The following FRMD8 variants were observed in gnomAD, a reference collection of about 807,000 sequenced individuals.
The protein encoded by FRMD8 is FERM domain containing 8.
A neutral mutation model predicts 54.2 loss-of-function variants in FRMD8; 37 were observed. The ratio of observed to expected loss-of-function variants is 0.68; its 90% confidence interval spans 0.53 to 0.90. The LOEUF is 0.90. Ranked by LOEUF, FRMD8 falls within the 40% of genes least tolerant of loss-of-function variation. The pLI is 0.00. For synonymous variants in FRMD8, 246 were observed against 286.9 expected (o/e 0.86, Z 1.44); for missense variants, 585 against 653.7 (o/e 0.89, Z 1.15).
At chr11:65,399,468 A>G (rs1382836974) in intron 7 of FRMD8, among the ~76,000 whole-genome samples, 7 of 152,076 alleles carry the variant, frequency 4.6e-5, no homozygotes, top group Non-Finnish European at 1.0e-4. Context: ...GCTTTGCTCC[A>G]CACCTGGGGC....
At chr11:65,379,654 G>C in the FRMD8 span, 1 of 1,384,606 alleles carries the variant, frequency 7.2e-7, no homozygotes, top group African/African-American at 1.4e-5. Context: ...GCTGGAAACT[G>C]CTCCCAAGTC....
chr11:65,389,253 T>G, intron 2 of FRMD8, 108 bp from the exon 3 acceptor site: 10 of 1,033,930 alleles, frequency 9.7e-6, no homozygotes, highest in Middle Eastern at 2.9e-4. Flanking sequence ...CCCTGAGGGG[T>G]GTAGGGTGGG....
rs1189486409 is a variant in FRMD8 at position 65,412,280 on chromosome 11, G to C, written c.*920G>C. ...TCCCCTCCCTGTGTCTGGGTCTTCA[G>C]GTTTTAGTTTGGTCTTTGTTCATCT... On this transcript the variant is annotated 3_prime_UTR_variant, in exon 11 of 11. Coordinates refer to ENST00000317568, the MANE Select transcript of FRMD8 (RefSeq NM_031904.5). The C allele has an allele frequency of 6.6e-6, 1 of 152,330 alleles. No individual in the cohort carries two copies. Among genetic ancestry groups the C allele is most frequent in the Admixed American group, 6.5e-5 (1 of 15,288 alleles). 9.4% of individuals were successfully genotyped at this position (152,330 alleles called of 1,614,324 possible).
chr11:65,392,179 G>C (rs1187426233), intron 3 of FRMD8, among the ~76,000 whole-genome samples: 1 of 152,238 alleles, frequency 6.6e-6, no homozygotes, highest in Non-Finnish European at 1.5e-5. Flanking sequence ...ATCTGGACCA[G>C]AAATGTTGGG....
At chr11:65,379,490 C>A in the FRMD8 span, 1 of 1,613,962 alleles carries the variant, frequency 6.2e-7, no homozygotes, top group African/African-American at 1.3e-5. Flanking sequence ...TGCTATAGAC[C>A]CCAAACAGGA....
At chr11:65,372,862 C>T in the FRMD8 span, among the ~76,000 whole-genome samples, 4 of 152,204 alleles carry the variant, frequency 2.6e-5, no homozygotes, top group Non-Finnish European at 4.4e-5. Context: ...CAGTGGTGTT[C>T]TGACACCTGC....
chr11:65,379,925 G>A, the FRMD8 span: 3 of 1,614,106 alleles, frequency 1.9e-6, no homozygotes, highest in African/African-American at 4.0e-5. Flanking sequence ...GGTGGTCTGG[G>A]TCTGCAGCCT....
Position 65,386,639 on chromosome 11 carries a change from C to T in FRMD8, c.-123C>T, listed in dbSNP as rs535866693. 8.9e-5 allele frequency: 18 copies of T among 202,800 alleles called. No individual in the cohort carries two copies. In the Admixed American group the frequency reaches 9.1e-4, roughly 10 times the overall value. 12.6% of individuals were successfully genotyped at this position (202,800 alleles called of 1,614,324 possible). A position where few individuals can be genotyped will look rare whatever the true frequency, so the allele number is the denominator to read the frequency against. On this transcript the variant is annotated 5_prime_UTR_variant, in exon 1 of 11. Transcript: ENST00000317568. ...CTTCCTCCCGCCGTGGCTTCCGCGT[C>T]GCTTCCCGGTCAGCTGCGTCCTTAG...
At chr11:65,378,038 C>G in the FRMD8 span, 1 of 152,086 alleles carries the variant, frequency 6.6e-6, no homozygotes, top group Non-Finnish European at 1.5e-5. Flanking sequence ...TTACTTTGGT[C>G]CCAGGAGTAA....
rs1316859911 is a variant in FRMD8 at position 65,413,426 on chromosome 11, T to C, written c.*2066T>C. The C allele has an allele frequency of 6.6e-6, 1 of 152,240 alleles. No homozygotes were observed. Among genetic ancestry groups the C allele is most frequent in the Non-Finnish European group, 1.5e-5 (1 of 68,046 alleles). 9.4% of individuals were successfully genotyped at this position (152,240 alleles called of 1,614,324 possible). A position where few individuals can be genotyped will look rare whatever the true frequency, so the allele number is the denominator to read the frequency against. On this transcript the variant is annotated 3_prime_UTR_variant, in exon 11 of 11. Transcript: ENST00000317568. ...TCTGAGCATCCATTGTGCCTTAACA[T>C]TTTCTGCTTGTCCTTTGGGACAAAG...
intron 6 of FRMD8, among the ~76,000 whole-genome samples, chr11:65,395,356 G>A (rs558826863): frequency 2.2e-3 from 342 of 152,120 alleles, no homozygotes; most frequent in African/African-American, 7.8e-3. Flanking sequence ...CAGCCTCAAC[G>A]TGGAGAAACC....
the FRMD8 span, chr11:65,376,994 G>A: frequency 3.1e-6 from 5 of 1,613,498 alleles, no homozygotes; most frequent in East Asian, 2.2e-5. Context: ...GTACCGGGGT[G>A]GGGGGCTCCC....
At chr11:65,368,609 G>C in the FRMD8 span, among the ~76,000 whole-genome samples, 1 of 152,098 alleles carries the variant, frequency 6.6e-6, no homozygotes, top group African/African-American at 2.4e-5. Context: ...TGTCGCCCAG[G>C]CTGGAGTGCA....
intron 3 of FRMD8, among the ~76,000 whole-genome samples, chr11:65,391,181 G>A (rs568226220): frequency 1.3e-5 from 2 of 152,384 alleles, no homozygotes; most frequent in Admixed American, 6.5e-5. Context: ...GTCACTCTGC[G>A]TGGAACAGGG....
the FRMD8 span, among the ~76,000 whole-genome samples, chr11:65,374,984 G>A: frequency 6.7e-6 from 1 of 150,358 alleles, no homozygotes; most frequent in Non-Finnish European, 1.5e-5. Context: ...AGAAAAAATA[G>A]AGAAAAAGAA....
At chr11:65,401,010 G>A (rs1033881561) in intron 9 of FRMD8, 143 bp downstream of exon 9, 1 of 919,704 alleles carries the variant, frequency 1.1e-6, no homozygotes, top group Non-Finnish European at 1.6e-6. Flanking sequence ...GGGCACAAGG[G>A]GTGCCTTGAG....
chr11:65,381,136 C>CTT, the FRMD8 span: 1 of 147,802 alleles, frequency 6.8e-6, no homozygotes, highest in South Asian at 2.1e-4. Flanking sequence ...GGAACCCAGA[C>CTT]TTTTTTTTTT....
At chr11:65,387,164 CCCAGCCCT>C in intron 2 of FRMD8, 43 bp downstream of exon 2, 1 of 1,486,404 alleles carries the variant, frequency 6.7e-7, no homozygotes, top group Non-Finnish European at 9.3e-7. Flanking sequence ...CTCCTGGGAC[CCCAGCCCT>C]GGAGAAGTAG....
At chr11:65,382,144 T>C, upstream of FRMD8, 1 of 629,490 alleles carries the variant, frequency 1.6e-6, no homozygotes, top group Admixed American at 2.4e-5. This position sits in a 1 kb window ranked among gnomAD's most constrained non-coding sequence, Gnocchi z 4.4. Context: ...CCTGGCCACC[T>C]GGAGGAGTCG....
Sources: allele counts gnomAD v4.1 joint callset (sites outside exome capture counted in the v4.1 genomes callset), GRCh38; gene constraint gnomAD v4.1.1; non-coding constraint Gnocchi (gnomAD v3.1); transcripts MANE v1.5; gene names NCBI Gene and HGNC (gene_info 2026-07-23, HGNC 2026-07-21).